The following ASXL2 variants were observed in gnomAD, a reference collection of about 807,000 sequenced individuals.
The protein encoded by ASXL2 is putative Polycomb group protein ASXL2.
A neutral mutation model predicts 122.0 loss-of-function variants in ASXL2; 23 were observed. The ratio of observed to expected loss-of-function variants is 0.19; its 90% CI spans 0.14 to 0.27. The LOEUF is 0.27. Among genes scored for constraint, ASXL2 ranks in the 10% least tolerant of loss-of-function variants. The pLI, the probability that ASXL2 is intolerant of heterozygous loss-of-function variation, is 1.00. For synonymous variants in ASXL2, 650 were observed against 637.0 expected, an observed-to-expected ratio of 1.02 and a Z score of -0.31; for missense variants, 1,518 against 1,713.8, an observed-to-expected ratio of 0.89 and a Z score of 2.02.
At chr2:25,803,093 C>T (rs976453613) in intron 4 of ASXL2, among the ~76,000 whole-genome samples, 1 of 152,124 alleles carries the variant, frequency 6.6e-6, no homozygotes, top group East Asian at 1.9e-4. Context: ...AATTGCACTG[C>T]TGCAATCCAG....
intron 3 of ASXL2, among the ~76,000 whole-genome samples, chr2:25,827,433 T>C (rs2089390771): frequency 6.6e-6 from 1 of 152,178 alleles, no homozygotes; most frequent in Non-Finnish European, 1.5e-5. Context: ...TAAATAGTCT[T>C]GGTTGATTTT....
At chr2:25,849,040 C>T (rs1331979712) in intron 1 of ASXL2, among the ~76,000 whole-genome samples, 10 of 41,586 alleles carry the variant, frequency 2.4e-4, no homozygotes, top group East Asian at 2.1e-3. Flanking sequence ...AGCGAAACTC[C>T]GTCTCAAAAA....
intron 8 of ASXL2, among the ~76,000 whole-genome samples, chr2:25,767,188 G>A (rs1241106590): frequency 1.3e-5 from 2 of 152,080 alleles, no homozygotes; most frequent in Non-Finnish European, 2.9e-5. Context: ...TTAATCATAC[G>A]CCCTTCTATC....
rs1429503018 is a variant in ASXL2 at position 25,734,345 on chromosome 2, G to A, written c.*7684C>T. On this transcript the variant is annotated 3_prime_UTR_variant, in exon 13 of 13. Transcript: ENST00000435504. ...ATGTGTGCAAAGTGATTATATGTAG[G>A]TTAAGCTGGGGTCACTACTGAAGAA... 1.3e-5 allele frequency: 2 copies of A among 152,234 alleles called. No homozygotes were observed. The highest frequency in any genetic ancestry group is 1.5e-5 in the Non-Finnish European group (1 of 68,004). The allele number at this position is 152,234 out of a possible 1,614,324, so 9.4% of individuals were successfully genotyped here.
rs539079430 is a variant in ASXL2, at chr2:25,799,436, T to C, written c.352A>G (p.Ser118Gly). Residue 118 changes from serine to glycine, a missense_variant, in exon 5 of 13, where the codon AGT (serine) becomes GGT (glycine). Physicochemically the swap from Ser to Gly is moderately conservative, Grantham distance 56. This residue lies in a region of ASXL2 where 198 missense variants were observed against 209.0 expected (regional missense o/e 0.95). Transcript: ENST00000435504. ...CCCTCCTTGTTGCTGCCACCATCACTGCTGCTGCTGCTGTTCTCAGAACTC... is the reference window on the plus strand; with the variant it reads ...CCCTCCTTGTTGCTGCCACCATCACCGCTGCTGCTGCTGTTCTCAGAACTC... The part of the protein sequence containing the change: ...SQSSENSSSS[S>G]DGGSNKEGKK... 2.9e-5 allele frequency: 46 copies of C among 1,585,384 alleles called. No individual in the cohort carries two copies. In the South Asian group the frequency reaches 4.5e-4, roughly 16 times the overall value.
chr2:25,735,470 A>G lies in ASXL2; in HGVS notation c.*6559T>C, dbSNP rs2087721197. On this transcript the variant is annotated 3_prime_UTR_variant, in exon 13 of 13. Coordinates refer to ENST00000435504, the MANE Select transcript of ASXL2 (RefSeq NM_018263.6). Reference sequence around the variant, plus strand: ...TCTACATTAGAATAGAAAAGGACACAAAAGTAATTTTATCCATTATGGAGA... The same window carrying G: ...TCTACATTAGAATAGAAAAGGACACGAAAGTAATTTTATCCATTATGGAGA... 1 of 152,210 alleles carries G rather than the reference A, an allele frequency of 6.6e-6. No individual in the cohort carries two copies. The allele number at this position is 152,210 out of a possible 1,614,324, so 9.4% of individuals were successfully genotyped here. A position where few individuals can be genotyped will look rare whatever the true frequency, so the allele number is the denominator to read the frequency against.
chr2:25,753,181 GCTGGTCTCGAACTCCTGAC>G (rs2149142680), intron 11 of ASXL2, among the ~76,000 whole-genome samples: 1 of 150,592 alleles, frequency 6.6e-6, no homozygotes, highest in East Asian at 2.0e-4. Context: ...TGTTGGTCAG[GCTGGTCTCGAACTCCTGAC>G]CTCAGGAGTT....
chr2:25,788,275 C>G (rs1037678899), intron 5 of ASXL2, among the ~76,000 whole-genome samples: 1 of 152,188 alleles, frequency 6.6e-6, no homozygotes, highest in African/African-American at 2.4e-5. Context: ...TTAAAATGTG[C>G]ACACGCACAT....
intron 2 of ASXL2, among the ~76,000 whole-genome samples, chr2:25,835,885 A>G (rs1232935212): frequency 6.6e-6 from 1 of 152,208 alleles, no homozygotes; most frequent in Non-Finnish European, 1.5e-5. Flanking sequence ...CTTCCCATGC[A>G]TTTCAATTTC....
chr2:25,849,064 C>CATATATATATATATATAT lies in ASXL2; in HGVS notation c.58-3502_58-3501insATATATATATATATATAT, dbSNP rs139200567. ...CCGTCTCAAAAAAAAAAAAAATTTA[C>CATATATATATATATATAT]ATATATATATATGGAATATTTATTT... On this transcript the variant is annotated intron_variant, in intron 1 of 12. Coordinates refer to ENST00000435504, the MANE Select transcript of ASXL2 (RefSeq NM_018263.6). 2.6e-3 allele frequency among the ~76,000 whole-genome samples: 225 copies of CATATATATATATATATAT among 86,490 alleles called. 25 individuals are homozygous for CATATATATATATATATAT. Among genetic ancestry groups the CATATATATATATATATAT allele is most frequent in the African/African-American group, 9.7e-3 (160 of 16,532 alleles). The allele number at this position is 86,490 out of a possible 152,430, so 56.7% of individuals were successfully genotyped here.
intron 1 of ASXL2, among the ~76,000 whole-genome samples, chr2:25,871,235 G>A (rs1200331053): frequency 6.6e-6 from 1 of 152,152 alleles, no homozygotes; most frequent in Non-Finnish European, 1.5e-5. Flanking sequence ...ACAGGACAAA[G>A]ATAGCAAGTT....
At position 25,767,570 on chromosome 2, in the gene ASXL2, T is replaced by C; in HGVS notation, c.775+13A>G. ...ATGGCAATGAAAACTGAAGTCTTTG[T>C]AAGCAAACTTACTGGTATGGAGTCT... On this transcript the variant is annotated intron_variant, in intron 8 of 12. Coordinates refer to ENST00000435504, the MANE Select transcript of ASXL2 (RefSeq NM_018263.6). 1 of 1,607,570 alleles carries C rather than the reference T, an allele frequency of 6.2e-7. No individual in the cohort carries two copies. Among genetic ancestry groups the C allele is most frequent in the Non-Finnish European group, 8.5e-7 (1 of 1,177,008 alleles).
At chr2:25,819,944 C>G (rs1337049082) in intron 3 of ASXL2, among the ~76,000 whole-genome samples, 6 of 152,164 alleles carry the variant, frequency 3.9e-5, no homozygotes, top group African/African-American at 7.2e-5. Flanking sequence ...GGATCTTGCT[C>G]TGTCCCCCAG....
At position 25,784,116 on chromosome 2, in the gene ASXL2, C is replaced by T. The variant is rs185687903; in HGVS notation, c.404-12576G>A. Among the ~76,000 whole-genome samples the T allele has an allele frequency of 6.9e-4, 104 of 149,878 alleles. 1 individual carries two copies. The highest frequency in any genetic ancestry group is 5.9e-3 in the South Asian group (28 of 4,742). The stretch of plus-strand genomic sequence containing the variant: ...AAATAAATATAAAGTTAGCCAGGTG[C>T]GGTGGCGTGCTGTAGTCCCAGCTAC... On this transcript the variant is annotated intron_variant, in intron 5 of 12. Coordinates refer to ENST00000435504, the MANE Select transcript of ASXL2 (RefSeq NM_018263.6).
In ASXL2 at chr2:25,743,310, C is replaced by G; in HGVS notation, c.3027G>C (p.Glu1009Asp). The G allele has an allele frequency of 6.2e-7, 1 of 1,613,954 alleles. No individual in the cohort carries two copies. The highest frequency in any genetic ancestry group is 8.5e-7 in the Non-Finnish European group (1 of 1,179,870). Reference sequence around the variant, plus strand: ...GCTGCGTAGCTGGATGGGACTGTCTCTCATTAACTTCCTCTCTGGTGCTAT... The same window carrying G: ...GCTGCGTAGCTGGATGGGACTGTCTGTCATTAACTTCCTCTCTGGTGCTAT... ...TENSTREEVN[E>D]RQSHPATQQQ... is the part of the protein sequence containing the mutation. The change falls in exon 13 of 13, where the codon GAG becomes GAC. Residue 1009 changes from glutamate to aspartate, a missense_variant. Around this residue, in one of 8 missense-constraint regions of ASXL2, gnomAD observed 831 missense variants for 833.1 expected, o/e 1.00. Transcript: ENST00000435504.
intron 10 of ASXL2, 108 bp downstream of exon 10, chr2:25,755,910 G>A: frequency 2.2e-6 from 2 of 926,376 alleles, no homozygotes; most frequent in Non-Finnish European, 3.5e-6. Context: ...TCTATCCTAT[G>A]GAAACATCCT....
At chr2:25,802,949 G>A (rs1454779949) in intron 4 of ASXL2, among the ~76,000 whole-genome samples, 2 of 152,142 alleles carry the variant, frequency 1.3e-5, no homozygotes, top group African/African-American at 4.8e-5. Context: ...TGGCCAACAT[G>A]GTAAAACCCT....
Position 25,744,095 on chromosome 2 carries a change from G to T in ASXL2, c.2242C>A (p.Pro748Thr), listed in dbSNP as rs1192048084. The T allele has an allele frequency of 1.2e-6, 2 of 1,613,934 alleles. No individual in the cohort carries two copies. The highest frequency in any genetic ancestry group is 4.5e-5 in the East Asian group (2 of 44,886). The change falls in exon 13 of 13, where the codon CCA becomes ACA. Residue 748 changes from proline (P) to threonine (T), a missense_variant. Transcript: ENST00000435504. This position sits in a 1 kb window ranked among gnomAD's most constrained non-coding sequence, Gnocchi z 4.7. ...GTCTCAGACTGGGGCTGAGTCTCTG[G>T]ACCACAGGGTAAAAGCTCTCTCGTA... Reference protein sequence around the residue: ...GGTRELLPCGPETQPQSETKT... With the variant: ...GGTRELLPCGTETQPQSETKT...
In ASXL2 at chr2:25,868,571, A is replaced by G. The variant is rs530001633; in HGVS notation, c.57+9595T>C. On this transcript the variant is annotated intron_variant, in intron 1 of 12. Transcript: ENST00000435504. ...AGGTCAGACTTAAGAATTATCACAGATATTTCCCAAGGTCCAAATGTAACT... is the reference window on the plus strand; with the variant it reads ...AGGTCAGACTTAAGAATTATCACAGGTATTTCCCAAGGTCCAAATGTAACT... Among the ~76,000 whole-genome samples the G allele has an allele frequency of 3.0e-4, 45 of 152,332 alleles. 1 individual carries two copies. The South Asian group carries it at 8.7e-3, about 29-fold the overall frequency.
Sources: allele counts gnomAD v4.1 joint callset (sites outside exome capture counted in the v4.1 genomes callset), GRCh38; gene constraint gnomAD v4.1.1; regional missense constraint gnomAD v4.1.1; non-coding constraint Gnocchi (gnomAD v3.1); transcripts MANE v1.5; gene names NCBI Gene and HGNC (gene_info 2026-07-23, HGNC 2026-07-21).